Variants in HECTD3 observed in about 807,000 individuals in gnomAD.
The protein encoded by HECTD3 is E3 ubiquitin-protein ligase HECTD3.
Under a neutral mutation model 109.3 loss-of-function variants are expected in HECTD3, and 72 were observed. The ratio of observed to expected loss-of-function variants is 0.66; its 90% confidence interval spans 0.54 to 0.80. The LOEUF (loss-of-function observed/expected upper bound fraction) is 0.80. Among genes scored for constraint, HECTD3 ranks in the 30% least tolerant of loss-of-function variants. HECTD3 has a pLI of 0.00. For synonymous variants in HECTD3, 481 were observed against 471.8 expected, an observed-to-expected ratio of 1.02 and a Z score of -0.25; for missense variants, 1,041 against 1,165.2, an observed-to-expected ratio of 0.89 and a Z score of 1.55.
At position 45,004,354 on chromosome 1, in the gene HECTD3, C is replaced by T; in HGVS notation, c.2166G>A (p.Leu722=). ...GCACAGCCTGTGGTACCACCTTCAGCAGACCTGCCTGCATAGCTGCCACCT... is the reference window on the plus strand; with the variant it reads ...GCACAGCCTGTGGTACCACCTTCAGTAGACCTGCCTGCATAGCTGCCACCT... ...KEQVAAMQAG[L]LKVVPQAVLD... is the part of the protein sequence containing the mutation. The change falls in exon 17 of 21, where the codon CTG becomes CTA. Residue 722 remains leucine (L), a synonymous_variant. Transcript: ENST00000372172. The T allele has an allele frequency of 1.2e-6, 2 of 1,614,106 alleles. No homozygotes were observed.
At chr1:45,007,126 TTGTG>T (rs56343463) in intron 11 of HECTD3, 89 bp downstream of exon 11, 276,606 of 1,240,966 alleles carry the variant, frequency 0.22, 11,718 homozygotes, top group Admixed American at 0.31. Flanking sequence ...CCTCGAGCAG[TTGTG>T]TGTGTGTGTG....
rs990792261 is a variant in HECTD3 at position 45,009,232 on chromosome 1, G to A, written c.990-6C>T. 1.3e-5 allele frequency: 21 copies of A among 1,611,920 alleles called. No individual in the cohort carries two copies. The highest frequency in any genetic ancestry group is 1.7e-5 in the Admixed American group (1 of 60,002). ...AGACATCCCCGATGAGGGTCCTGAGGAGATGAGTGTGAAGCACTTCAGATA... is the reference window on the plus strand; with the variant it reads ...AGACATCCCCGATGAGGGTCCTGAGAAGATGAGTGTGAAGCACTTCAGATA... On this transcript the variant is annotated splice_region_variant and splice_polypyrimidine_tract_variant and intron_variant, in intron 6 of 20. Transcript: ENST00000372172.
chr1:45,008,775 C>G (rs1394551064), intron 7 of HECTD3, 74 bp from the exon 8 acceptor site: 12 of 1,428,872 alleles, frequency 8.4e-6, no homozygotes, highest in Admixed American at 1.7e-5. Flanking sequence ...GGGACCGGCT[C>G]CTTGAACGCT....
Position 45,003,667 on chromosome 1 carries a change from A to G in HECTD3, c.2501+2T>C. The G allele has an allele frequency of 6.2e-7, 1 of 1,614,042 alleles. No individual in the cohort carries two copies. Among genetic ancestry groups the G allele is most frequent in the Non-Finnish European group, 8.5e-7 (1 of 1,179,976 alleles). On this transcript the variant is annotated splice_donor_variant, in intron 20 of 20. Transcript: ENST00000372172. LOFTEE classifies it high-confidence loss of function. The surrounding 1 kb of genome is among the most constrained non-coding windows in gnomAD (Gnocchi z 4.7). ...CCAAATCGAGCCTAGGAAAAAACCC[A>G]CCTGGCATAGTGTGGCAGGAAGAGG...
intron 16 of HECTD3, 65 bp from the exon 17 acceptor site, chr1:45,004,442 C>T: frequency 3.7e-6 from 6 of 1,610,980 alleles, no homozygotes; most frequent in Non-Finnish European, 5.1e-6. Flanking sequence ...CACTGGGGGG[C>T]ATCACTGTGG....
chr1:45,007,648 C>A (rs1165134373), intron 9 of HECTD3, 53 bp from the exon 10 acceptor site: 2 of 1,477,598 alleles, frequency 1.4e-6, no homozygotes, highest in African/African-American at 2.8e-5. Flanking sequence ...AGCCTCCGTC[C>A]AGGCCCTGGA....
chr1:45,005,002 G>C (rs1644722035), intron 15 of HECTD3, 196 bp from the exon 16 acceptor site: 1 of 612,136 alleles, frequency 1.6e-6, no homozygotes, highest in Non-Finnish European at 2.9e-6. Context: ...GCCAGAGGAG[G>C]CATCCTGTGG....
Position 45,002,882 on chromosome 1 carries a change from T to G in HECTD3, c.*610A>C, listed in dbSNP as rs1644703181. Reference sequence around the variant, plus strand: ...CTGAGTCAGGGAAGGTGGTGGCACTTTGTGTGTTGAGACTGGGTTGGTAGA... The same window carrying G: ...CTGAGTCAGGGAAGGTGGTGGCACTGTGTGTGTTGAGACTGGGTTGGTAGA... On this transcript the variant is annotated 3_prime_UTR_variant, in exon 21 of 21. Coordinates refer to ENST00000372172, the MANE Select transcript of HECTD3 (RefSeq NM_024602.6). 1 of 154,434 alleles carries G rather than the reference T, an allele frequency of 6.5e-6. No individual in the cohort carries two copies. The highest frequency in any genetic ancestry group is 6.4e-5 in the Admixed American group (1 of 15,668). The allele number at this position is 154,434 out of a possible 1,614,324, so 9.6% of individuals were successfully genotyped here.
In HECTD3 at chr1:45,003,593, T is replaced by G; in HGVS notation, c.2502-17A>C. The stretch of plus-strand genomic sequence containing the variant: ...ACCTTGGCACTGTGGGAATGGGGAC[T>G]TGGTCAGGTCCCTACATCGCTACCA... On this transcript the variant is annotated splice_polypyrimidine_tract_variant and intron_variant, in intron 20 of 20. Coordinates refer to ENST00000372172, the MANE Select transcript of HECTD3 (RefSeq NM_024602.6). The surrounding 1 kb of genome is among the most constrained non-coding windows in gnomAD (Gnocchi z 4.7). 6.2e-7 allele frequency: 1 copy of G among 1,613,600 alleles called. No individual in the cohort carries two copies. Among genetic ancestry groups the G allele is most frequent in the South Asian group, 1.1e-5 (1 of 91,066 alleles).
chr1:45,010,372 T>C (rs1047553806), intron 2 of HECTD3, 79 bp from the exon 3 acceptor site: 5 of 1,486,382 alleles, frequency 3.4e-6, no homozygotes, highest in East Asian at 2.3e-5. Context: ...TGTAGCCTTC[T>C]TCAGGGCTCT....
chr1:45,006,308 A>ATTTTT lies in HECTD3; in HGVS notation c.1726-197_1726-193dup. On this transcript the variant is annotated intron_variant, in intron 13 of 20. Coordinates refer to ENST00000372172, the MANE Select transcript of HECTD3 (RefSeq NM_024602.6). The surrounding 1 kb of genome is among the most constrained non-coding windows in gnomAD (Gnocchi z 4.7). ...TCAGTCCCTCCTCTGCCCTATTTCT[A>ATTTTT]TTTTTTTTTTTTTTTGAGACAGAGT... The ATTTTT allele has an allele frequency of 4.7e-6, 2 of 423,662 alleles. No homozygotes were observed. Among genetic ancestry groups the ATTTTT allele is most frequent in the African/African-American group, 2.1e-5 (1 of 46,556 alleles). The allele number at this position is 423,662 out of a possible 1,614,324, so 26.2% of individuals were successfully genotyped here.
Position 45,011,180 on chromosome 1 carries a change from T to C in HECTD3, c.78A>G (p.Ala26=). Residue 26 remains alanine (A), a synonymous_variant, in exon 1 of 21, where the codon GCA becomes GCG. Transcript: ENST00000372172. ...LLGRVRFLAE[A]ARSLRAGRPL... ...GCCGCCCGGCGCGGAGGCTCCGCGCTGCCTCTGCCAAGAAGCGCACGCGGC... is the reference window on the plus strand; with the variant it reads ...GCCGCCCGGCGCGGAGGCTCCGCGCCGCCTCTGCCAAGAAGCGCACGCGGC... The C allele has an allele frequency of 6.7e-7, 1 of 1,486,980 alleles. No homozygotes were observed. The highest frequency in any genetic ancestry group is 8.9e-7 in the Non-Finnish European group (1 of 1,127,152). The allele number at this position is 1,486,980 out of a possible 1,614,324, so 92.1% of individuals were successfully genotyped here. A position where few individuals can be genotyped will look rare whatever the true frequency, so the allele number is the denominator to read the frequency against.
Position 45,009,147 on chromosome 1 carries a change from G to T in HECTD3, c.1069C>A (p.Arg357=). 1.2e-6 allele frequency: 2 copies of T among 1,613,404 alleles called. No homozygotes were observed. Among genetic ancestry groups the T allele is most frequent in the Non-Finnish European group, 1.7e-6 (2 of 1,179,464 alleles). The change falls in exon 7 of 21, where the codon CGA becomes AGA. Residue 357 remains arginine, a synonymous_variant. Transcript: ENST00000372172. ...PIIEIRIVEC[R]DDGIDVRLRG... Reference sequence around the variant, plus strand: ...TCCTTATAGCCTTAAACCTCACCTCGGCACTCCACGATGCGGATCTCGATG... The same window carrying T: ...TCCTTATAGCCTTAAACCTCACCTCTGCACTCCACGATGCGGATCTCGATG...
chr1:45,007,053 C>T (rs1644741806), intron 11 of HECTD3, 38 bp from the exon 12 acceptor site: 1 of 1,610,350 alleles, frequency 6.2e-7, no homozygotes, highest in Non-Finnish European at 8.5e-7. Flanking sequence ...TTATGTGGGG[C>T]CAGGTGCAGC....
At chr1:45,008,506 A>C (rs1569943445) in intron 8 of HECTD3, 30 bp downstream of exon 8, 2 of 1,605,914 alleles carry the variant, frequency 1.2e-6, no homozygotes, top group Non-Finnish European at 8.5e-7. Flanking sequence ...GGGGGAAGGG[A>C]AGGGCCCATA....
rs1644706391 is a variant in HECTD3, at chr1:45,003,316, G to T, written c.*176C>A. On this transcript the variant is annotated 3_prime_UTR_variant, in exon 21 of 21. Transcript: ENST00000372172. This position sits in a 1 kb window ranked among gnomAD's most constrained non-coding sequence, Gnocchi z 4.7. Reference sequence around the variant, plus strand: ...AGGGCTTGTGGGTCTGCGGGGCTGGGCCACTAGTGTTACCTGACCATGCCA... The same window carrying T: ...AGGGCTTGTGGGTCTGCGGGGCTGGTCCACTAGTGTTACCTGACCATGCCA... 1.6e-6 allele frequency: 1 copy of T among 612,892 alleles called. No individual in the cohort carries two copies. Among genetic ancestry groups the T allele is most frequent in the Non-Finnish European group, 2.9e-6 (1 of 341,478 alleles). 38.0% of individuals were successfully genotyped at this position (612,892 alleles called of 1,614,324 possible).
At chr1:45,005,148 T>A in intron 15 of HECTD3, 1 of 412,780 alleles carries the variant, frequency 2.4e-6, no homozygotes. Flanking sequence ...GTGAACCAAG[T>A]GGCTGGAGAC....
chr1:45,009,923 TG>T (rs751591724), intron 4 of HECTD3, 62 bp downstream of exon 4: 35 of 1,512,132 alleles, frequency 2.3e-5, no homozygotes, highest in Non-Finnish European at 3.1e-5. Flanking sequence ...GGGTTCTTTC[TG>T]GATCTAGCCT....
Position 45,003,925 on chromosome 1 carries a change from G to A in HECTD3, c.2359C>T (p.Arg787Cys), listed in dbSNP as rs1357273600. 7.4e-6 allele frequency: 12 copies of A among 1,613,440 alleles called. No homozygotes were observed. Among genetic ancestry groups the A allele is most frequent in the Non-Finnish European group, 1.0e-5 (12 of 1,179,682 alleles). The change falls in exon 19 of 21, where the codon CGC (arginine) becomes TGC (cysteine). Residue 787 changes from arginine to cysteine, a missense_variant. Arg to Cys is a radical substitution (Grantham distance 180). Around this residue, in one of 2 missense-constraint regions of HECTD3, gnomAD observed 569 missense variants for 715.3 expected, o/e 0.80. Coordinates refer to ENST00000372172, the MANE Select transcript of HECTD3 (RefSeq NM_024602.6). The surrounding 1 kb of genome is among the most constrained non-coding windows in gnomAD (Gnocchi z 4.7). ...CGGCCCGTGACAAAGCGCAGGAAGCGGCTCCGGTCCTCTGGAGGGAGAAGG... is the reference window on the plus strand; with the variant it reads ...CGGCCCGTGACAAAGCGCAGGAAGCAGCTCCGGTCCTCTGGAGGGAGAAGG... ...LNNFTNEDRS[R>C]FLRFVTGRSR...
Sources: gnomAD v4.1 joint callset for allele counts on GRCh38, gnomAD v4.1.1 for gene constraint, gnomAD v4.1.1 regional missense constraint, Gnocchi (gnomAD v3.1) non-coding constraint, MANE v1.5 for transcripts, NCBI Gene and HGNC (gene_info 2026-07-23, HGNC 2026-07-21) for gene names.